The following MYT1L variants were observed in gnomAD, a reference collection of about 807,000 sequenced individuals.
The protein encoded by MYT1L is myelin transcription factor 1 like, also known as myelin transcription factor 1-like protein.
In MYT1L, 12 loss-of-function variants were observed where a neutral mutation model predicts 126.7. The ratio of observed to expected loss-of-function variants is 0.09; its 90% CI spans 0.06 to 0.15. The LOEUF (loss-of-function observed/expected upper bound fraction) is 0.15, where lower values mean the gene tolerates loss of function less well. MYT1L is among the 10% of genes least tolerant of loss of function. The probability of loss-of-function intolerance (pLI) is 1.00; values close to 1 mark genes in which losing one functional copy is unlikely to be tolerated. For synonymous variants in MYT1L, 541 were observed against 604.2 expected, an observed-to-expected ratio of 0.90 and a Z score of 1.53; for missense variants, 979 against 1,585.2, an observed-to-expected ratio of 0.62 and a Z score of 6.49.
intron 1 of MYT1L, among the ~76,000 whole-genome samples, chr2:2,316,309 T>C (rs2096063797): frequency 6.6e-6 from 1 of 152,218 alleles, no homozygotes. Context: ...ACCTAGTGTT[T>C]ATTTGTACCC....
chr2:2,198,975 C>T (rs887070393), intron 2 of MYT1L, among the ~76,000 whole-genome samples: 6 of 152,098 alleles, frequency 3.9e-5, no homozygotes, highest in Non-Finnish European at 8.8e-5. Flanking sequence ...ACAATTACCA[C>T]GTGTCAATTA....
chr2:1,875,837 T>G (rs1051432489), intron 18 of MYT1L, among the ~76,000 whole-genome samples: 4 of 152,222 alleles, frequency 2.6e-5, no homozygotes, highest in South Asian at 4.1e-4. Context: ...ATTAACTCGC[T>G]GCTCCCTCTC....
chr2:1,945,184 AT>A (rs1314015099), intron 8 of MYT1L, among the ~76,000 whole-genome samples: 18 of 152,190 alleles, frequency 1.2e-4, no homozygotes, highest in African/African-American at 4.1e-4. Context: ...AACTTCGTGG[AT>A]GAATGATGGG....
At chr2:1,956,049 G>GTATC (rs61277755) in intron 8 of MYT1L, among the ~76,000 whole-genome samples, 12 of 151,846 alleles carry the variant, frequency 7.9e-5, no homozygotes, top group East Asian at 3.9e-4. Flanking sequence ...ATGTATCTAT[G>GTATC]TATCTATCTA....
At chr2:2,313,769 T>G (rs2096016135) in intron 1 of MYT1L, among the ~76,000 whole-genome samples, 1 of 152,210 alleles carries the variant, frequency 6.6e-6, no homozygotes, top group Admixed American at 6.5e-5. Flanking sequence ...AAGTCATGTT[T>G]AAATTTGATC....
chr2:1,958,530 G>T (rs2058699056), intron 8 of MYT1L, among the ~76,000 whole-genome samples: 1 of 152,242 alleles, frequency 6.6e-6, no homozygotes, highest in South Asian at 2.1e-4. Flanking sequence ...AGCGGCCTCA[G>T]CTGTTTTCTG....
chr2:1,792,794 C>T (rs1276705829), intron 23 of MYT1L, among the ~76,000 whole-genome samples: 1 of 136,798 alleles, frequency 7.3e-6, no homozygotes, highest in South Asian at 2.4e-4. Context: ...AGCTTGAACC[C>T]GAGAGGCGGA....
intron 1 of MYT1L, among the ~76,000 whole-genome samples, chr2:2,317,784 G>T (rs2096092023): frequency 6.6e-6 from 1 of 152,100 alleles, no homozygotes; most frequent in Non-Finnish European, 1.5e-5. Context: ...GCAGAGTAAA[G>T]TCTCTCTGAC....
intron 3 of MYT1L, among the ~76,000 whole-genome samples, chr2:2,070,012 T>G (rs909865749): frequency 6.6e-6 from 1 of 151,734 alleles, no homozygotes; most frequent in Non-Finnish European, 1.5e-5. Flanking sequence ...TCATTAGTCA[T>G]TAGAGAAAGG....
At position 1,791,790 on chromosome 2, in the gene MYT1L, C is replaced by A. The variant is rs933303393; in HGVS notation, c.*77G>T. 1.4e-5 allele frequency: 18 copies of A among 1,314,986 alleles called. No individual in the cohort carries two copies. The highest frequency in any genetic ancestry group is 1.8e-5 in the Non-Finnish European group (18 of 977,158). The allele number at this position is 1,314,986 out of a possible 1,614,324, so 81.5% of individuals were successfully genotyped here. A position where few individuals can be genotyped will look rare whatever the true frequency, so the allele number is the denominator to read the frequency against. On this transcript the variant is annotated 3_prime_UTR_variant, in exon 25 of 25. Transcript: ENST00000647738. This position sits in a 1 kb window ranked among gnomAD's most constrained non-coding sequence, Gnocchi z 6.0. ...AATTCAAACAGAAATAAATATAGAA[C>A]ACTTTCTGGTAAGTTACAGCAGCAA... is the stretch of plus-strand genomic sequence containing the variant.
At chr2:1,904,082 A>T (rs1260487623) in intron 13 of MYT1L, among the ~76,000 whole-genome samples, 1 of 152,232 alleles carries the variant, frequency 6.6e-6, no homozygotes, top group Admixed American at 6.5e-5. Context: ...CTGACACCAA[A>T]TTCCACCAAT....
intron 18 of MYT1L, among the ~76,000 whole-genome samples, chr2:1,854,361 TTAA>T (rs1316296091): frequency 4.6e-5 from 7 of 152,060 alleles, no homozygotes; most frequent in Non-Finnish European, 1.0e-4. Context: ...TGTAAAGAGA[TTAA>T]TGATACATAT....
At chr2:2,052,745 C>T (rs2068986377) in intron 4 of MYT1L, among the ~76,000 whole-genome samples, 1 of 152,074 alleles carries the variant, frequency 6.6e-6, no homozygotes, top group Non-Finnish European at 1.5e-5. Context: ...ATCAGGATAT[C>T]TATTATTTTT....
At chr2:2,196,377 C>G (rs1011199883) in intron 2 of MYT1L, among the ~76,000 whole-genome samples, 2 of 151,982 alleles carry the variant, frequency 1.3e-5, no homozygotes, top group African/African-American at 4.8e-5. Flanking sequence ...GTAAAATTAT[C>G]TGCTTGTAAT....
intron 19 of MYT1L, among the ~76,000 whole-genome samples, chr2:1,843,882 T>C (rs533975044): frequency 6.6e-6 from 1 of 152,224 alleles, no homozygotes; most frequent in East Asian, 1.9e-4. Context: ...ACAGAACAAA[T>C]CTGCAACAAG....
Position 1,898,417 on chromosome 2 carries a change from G to A in MYT1L, c.2032+4663C>T, listed in dbSNP as rs558354585. Among the ~76,000 whole-genome samples the A allele has an allele frequency of 7.2e-5, 11 of 152,298 alleles. No individual in the cohort carries two copies. The South Asian group carries it at 2.1e-3, about 29-fold the overall frequency. The stretch of plus-strand genomic sequence containing the variant: ...AAGAATGGAGCTTTCTAGCCTGTGG[G>A]ATGACATCTCCAAGGCACACGGTCT... On this transcript the variant is annotated intron_variant, in intron 14 of 24. Transcript: ENST00000647738.
intron 8 of MYT1L, among the ~76,000 whole-genome samples, chr2:1,961,423 C>T (rs2058949118): frequency 6.6e-6 from 1 of 152,234 alleles, no homozygotes; most frequent in Non-Finnish European, 1.5e-5. Context: ...TCACCTGTGC[C>T]ACAGTGAGCT....
intron 19 of MYT1L, among the ~76,000 whole-genome samples, chr2:1,847,500 GCA>G (rs768906237): frequency 9.3e-4 from 142 of 152,252 alleles, no homozygotes; most frequent in Admixed American, 2.6e-3. Context: ...AGAATGAGGA[GCA>G]CCCCTGGGCA....
intron 21 of MYT1L, among the ~76,000 whole-genome samples, chr2:1,819,933 T>C (rs904964925): frequency 6.6e-6 from 1 of 152,018 alleles, no homozygotes; most frequent in African/African-American, 2.4e-5. Flanking sequence ...TGACAAAGGA[T>C]TGGAAGCATG....
Sources: allele counts gnomAD v4.1 joint callset (sites outside exome capture counted in the v4.1 genomes callset), GRCh38; gene constraint gnomAD v4.1.1; non-coding constraint Gnocchi (gnomAD v3.1); transcripts MANE v1.5; gene names NCBI Gene and HGNC (gene_info 2026-07-23, HGNC 2026-07-21).